Variants in SH3GL2 observed in about 807,000 individuals in gnomAD.
The protein encoded by SH3GL2 is endophilin-A1.
In SH3GL2, 24 loss-of-function variants were observed where a neutral mutation model predicts 46.0. That is an observed-to-expected ratio of 0.52 (90% CI 0.38 to 0.73). The LOEUF is 0.73. SH3GL2 is among the 30% of genes least tolerant of loss of function. The pLI, the probability that SH3GL2 is intolerant of heterozygous loss-of-function variation, is 0.00. For missense variants in SH3GL2, 413 were observed against 424.2 expected (o/e 0.97, Z 0.23); for synonymous variants, 196 against 147.1 (o/e 1.33, Z -2.40).
intron 1 of SH3GL2, among the ~76,000 whole-genome samples, chr9:17,649,371 G>A (rs897584345): frequency 5.3e-5 from 8 of 152,006 alleles, no homozygotes; most frequent in East Asian, 1.9e-4. Context: ...CTGCCCTATC[G>A]CGTACATTTT....
At chr9:17,693,417 C>G (rs1821129801) in intron 1 of SH3GL2, among the ~76,000 whole-genome samples, 1 of 152,094 alleles carries the variant, frequency 6.6e-6, no homozygotes, top group African/African-American at 2.4e-5. Context: ...CTTCTACTTT[C>G]TAGGAGTTGC....
chr9:17,586,856 C>T (rs763903588), intron 1 of SH3GL2, among the ~76,000 whole-genome samples: 2 of 152,218 alleles, frequency 1.3e-5, no homozygotes, highest in East Asian at 1.9e-4. Flanking sequence ...ACAGCCAAAC[C>T]GTATCACAGA....
At chr9:17,776,067 G>A (rs751710513) in intron 3 of SH3GL2, among the ~76,000 whole-genome samples, 1 of 152,088 alleles carries the variant, frequency 6.6e-6, no homozygotes, top group Non-Finnish European at 1.5e-5. Context: ...CATCTAGGGT[G>A]GGGAGAAAAA....
chr9:17,636,111 G>T (rs1237874199), intron 1 of SH3GL2, among the ~76,000 whole-genome samples: 2 of 152,190 alleles, frequency 1.3e-5, no homozygotes, highest in African/African-American at 2.4e-5. Context: ...TTCTCAGTCT[G>T]TGGACAAATA....
intron 3 of SH3GL2, among the ~76,000 whole-genome samples, chr9:17,777,075 C>T (rs535051251): frequency 1.3e-5 from 2 of 152,264 alleles, no homozygotes; most frequent in African/African-American, 4.8e-5. Context: ...AGGGACCTTC[C>T]TCTTCTTTAT....
At chr9:17,737,360 A>G (rs533488889) in intron 1 of SH3GL2, among the ~76,000 whole-genome samples, 1 of 152,312 alleles carries the variant, frequency 6.6e-6, no homozygotes, top group South Asian at 2.1e-4. Context: ...ATTTTAAAAA[A>G]TAAGAAAAAA....
intron 1 of SH3GL2, among the ~76,000 whole-genome samples, chr9:17,733,030 G>A (rs557138959): frequency 1.3e-5 from 2 of 152,108 alleles, no homozygotes; most frequent in South Asian, 4.2e-4. Context: ...TACTGCTGCT[G>A]CCTTCCCCAC....
At chr9:17,680,144 A>C (rs560763105) in intron 1 of SH3GL2, among the ~76,000 whole-genome samples, 2,294 of 152,236 alleles carry the variant, frequency 0.015, 73 homozygotes, top group African/African-American at 0.051. Flanking sequence ...CTGGCCTCAT[A>C]AAATGAGTTA....
chr9:17,592,592 A>T (rs1818504254), intron 1 of SH3GL2, among the ~76,000 whole-genome samples: 1 of 152,218 alleles, frequency 6.6e-6, no homozygotes, highest in African/African-American at 2.4e-5. Context: ...TAAGTAGTAG[A>T]TATTCTAACA....
intron 3 of SH3GL2, among the ~76,000 whole-genome samples, chr9:17,767,578 C>T (rs1220393558): frequency 6.6e-6 from 1 of 152,206 alleles, no homozygotes; most frequent in Non-Finnish European, 1.5e-5. Flanking sequence ...TTGTATTCAT[C>T]TTTGCATCTT....
intron 1 of SH3GL2, among the ~76,000 whole-genome samples, chr9:17,600,793 CTT>C (rs1340392234): frequency 7.2e-5 from 11 of 152,128 alleles, no homozygotes; most frequent in Admixed American, 6.6e-4. Context: ...TTTAAAAACT[CTT>C]TACTCATTGT....
chr9:17,706,113 A>C (rs975859997), intron 1 of SH3GL2, among the ~76,000 whole-genome samples: 3 of 152,094 alleles, frequency 2.0e-5, no homozygotes, highest in Admixed American at 6.6e-5. Context: ...TCAAAGTAAT[A>C]TATTCTAAAT....
At chr9:17,653,980 G>T (rs1820011967) in intron 1 of SH3GL2, 1 of 327,772 alleles carries the variant, frequency 3.1e-6, no homozygotes, top group Non-Finnish European at 4.4e-6. Flanking sequence ...AAGAGCAGTT[G>T]TGTGCTGTAT....
chr9:17,597,977 C>T lies in SH3GL2; in HGVS notation c.45+18690C>T, dbSNP rs141889875. On this transcript the variant is annotated intron_variant, in intron 1 of 8. Coordinates refer to ENST00000380607, the MANE Select transcript of SH3GL2 (RefSeq NM_003026.5). ...GGATAAAATACTCATTCCCTGCCCC[C>T]GTGGAACTGGCAGTGCAGTGTGGGA... Among the ~76,000 whole-genome samples, 524 of 152,244 alleles carry T rather than the reference C, an allele frequency of 3.4e-3. 2 individuals carry two copies. The highest frequency in any genetic ancestry group is 0.011 in the African/African-American group (469 of 41,538).
intron 1 of SH3GL2, among the ~76,000 whole-genome samples, chr9:17,648,314 C>T (rs1421523192): frequency 6.6e-6 from 1 of 152,110 alleles, no homozygotes; most frequent in Non-Finnish European, 1.5e-5. Flanking sequence ...AATGCATGTA[C>T]AAAGGTGCTG....
In SH3GL2 at chr9:17,579,326, G is replaced by A. The variant is rs368829341; in HGVS notation, c.45+39G>A. 1.1e-4 allele frequency: 156 copies of A among 1,451,888 alleles called. 1 individual carries two copies. Among genetic ancestry groups the A allele is most frequent in the Middle Eastern group, 7.1e-4 (4 of 5,618 alleles). The allele number at this position is 1,451,888 out of a possible 1,614,324, so 89.9% of individuals were successfully genotyped here. A position where few individuals can be genotyped will look rare whatever the true frequency, so the allele number is the denominator to read the frequency against. On this transcript the variant is annotated intron_variant, in intron 1 of 8. Coordinates refer to ENST00000380607, the MANE Select transcript of SH3GL2 (RefSeq NM_003026.5). The stretch of plus-strand genomic sequence containing the variant: ...CAGGTGCGTCCCGGGGCAGTCCGGG[G>A]CGAAGCTGCGAGGGGCGCGCTCGGC...
In SH3GL2 at chr9:17,771,239, G is replaced by A. The variant is rs148362709; in HGVS notation, c.187+9730G>A. Among the ~76,000 whole-genome samples the A allele has an allele frequency of 2.0e-5, 3 of 152,302 alleles. No homozygotes were observed. In the East Asian group the frequency reaches 5.8e-4, roughly 29 times the overall value. On this transcript the variant is annotated intron_variant, in intron 3 of 8. Transcript: ENST00000380607. ...ACCTGTCACTGTCTTTTCAGCTTAA[G>A]ATGAGGTCTCCTGAACCCCCCAGGG...
At position 17,611,289 on chromosome 9, in the gene SH3GL2, C is replaced by T. The variant is rs79351921; in HGVS notation, c.45+32002C>T. Reference sequence around the variant, plus strand: ...CTTCCAAGTTATTTCATAGGGTAAACGTGGGTACGTGATAGACATATAGGA... The same window carrying T: ...CTTCCAAGTTATTTCATAGGGTAAATGTGGGTACGTGATAGACATATAGGA... On this transcript the variant is annotated intron_variant, in intron 1 of 8. Coordinates refer to ENST00000380607, the MANE Select transcript of SH3GL2 (RefSeq NM_003026.5). Among the ~76,000 whole-genome samples the T allele has an allele frequency of 1.8e-4, 28 of 152,058 alleles. No homozygotes were observed. In the East Asian group the frequency reaches 4.5e-3, roughly 24 times the overall value.
intron 5 of SH3GL2, among the ~76,000 whole-genome samples, chr9:17,788,018 A>T (rs1186843976): frequency 6.6e-6 from 1 of 152,196 alleles, no homozygotes; most frequent in Admixed American, 6.6e-5. Flanking sequence ...AAGAATACCA[A>T]CTAGCCACTT....
Sources: allele counts gnomAD v4.1 joint callset (sites outside exome capture counted in the v4.1 genomes callset), GRCh38; gene constraint gnomAD v4.1.1; transcripts MANE v1.5; gene names NCBI Gene and HGNC (gene_info 2026-07-23, HGNC 2026-07-21).